ST3GAL3: variants seen among roughly 807,000 people sequenced by gnomAD.
The protein encoded by ST3GAL3 is CMP-N-acetylneuraminate-beta-1,4-galactoside alpha-2,3-sialyltransferase.
In ST3GAL3, 21 loss-of-function variants were observed where a neutral mutation model predicts 50.1. The observed-to-expected ratio is 0.42, with a 90% CI of 0.30 to 0.60. The LOEUF (loss-of-function observed/expected upper bound fraction) is 0.60, where lower values mean the gene tolerates loss of function less well. ST3GAL3 is among the 20% of genes least tolerant of loss of function. The probability of loss-of-function intolerance (pLI) is 0.19; values close to 1 mark genes in which losing one functional copy is unlikely to be tolerated. For synonymous variants in ST3GAL3, 183 were observed against 190.0 expected, an observed-to-expected ratio of 0.96 and a Z score of 0.30; for missense variants, 353 against 489.4, an observed-to-expected ratio of 0.72 and a Z score of 2.63.
intron 11 of ST3GAL3, chr1:43,929,920 T>G: frequency 1.4e-6 from 1 of 706,630 alleles, no homozygotes; most frequent in Non-Finnish European, 2.6e-6. Flanking sequence ...AGGTTCTTTT[T>G]TCCCTGTCTT....
At chr1:43,743,084 G>T (rs1459315831) in intron 2 of ST3GAL3, among the ~76,000 whole-genome samples, 2 of 24,912 alleles carry the variant, frequency 8.0e-5, no homozygotes, top group Non-Finnish European at 1.7e-4. Flanking sequence ...GCGAGACTCC[G>T]TCTCAAAAAA....
chr1:43,712,522 C>G (rs1032085381), intron 1 of ST3GAL3, among the ~76,000 whole-genome samples: 11 of 152,146 alleles, frequency 7.2e-5, no homozygotes, highest in African/African-American at 2.7e-4. Context: ...CCTCAAAGAA[C>G]CTCCAGTCTA....
intron 9 of ST3GAL3, 184 bp from the exon 10 acceptor site, chr1:43,920,220 C>T: frequency 1.5e-6 from 1 of 685,208 alleles, no homozygotes; most frequent in Non-Finnish European, 2.6e-6. Flanking sequence ...CCATCATTCC[C>T]CTTGTCCCTG....
At chr1:43,844,099 G>A (rs2065853176) in intron 5 of ST3GAL3, among the ~76,000 whole-genome samples, 1 of 152,232 alleles carries the variant, frequency 6.6e-6, no homozygotes, top group Non-Finnish European at 1.5e-5. Context: ...TGAACAGCCA[G>A]TTGGAAGAGA....
At chr1:43,792,824 G>T (rs753769866) in intron 3 of ST3GAL3, among the ~76,000 whole-genome samples, 2 of 152,226 alleles carry the variant, frequency 1.3e-5, no homozygotes, top group Non-Finnish European at 2.9e-5. Flanking sequence ...TTGACAGGAA[G>T]TGGGAAGAGA....
intron 2 of ST3GAL3, among the ~76,000 whole-genome samples, chr1:43,775,671 A>G (rs1696944715): frequency 6.6e-6 from 1 of 152,154 alleles, no homozygotes; most frequent in African/African-American, 2.4e-5. Context: ...ACACAAAAAT[A>G]TAGTTATGCA....
At chr1:43,891,316 T>C (rs888386349) in intron 5 of ST3GAL3, among the ~76,000 whole-genome samples, 2 of 152,234 alleles carry the variant, frequency 1.3e-5, no homozygotes, top group Non-Finnish European at 1.5e-5. Flanking sequence ...ACGCCTGTAA[T>C]CCCAGCACTT....
chr1:43,804,038 T>G (rs2154166281), intron 3 of ST3GAL3, among the ~76,000 whole-genome samples: 1 of 152,328 alleles, frequency 6.6e-6, no homozygotes, highest in East Asian at 1.9e-4. Flanking sequence ...AGCTGGAATA[T>G]GAGTGCATAT....
chr1:43,888,705 A>G (rs1184695917), intron 5 of ST3GAL3, among the ~76,000 whole-genome samples: 1 of 152,250 alleles, frequency 6.6e-6, no homozygotes, highest in Non-Finnish European at 1.5e-5. Flanking sequence ...ATGCAAATTA[A>G]GATGACAGTG....
At chr1:43,773,635 A>G (rs185803407) in intron 2 of ST3GAL3, among the ~76,000 whole-genome samples, 6 of 152,354 alleles carry the variant, frequency 3.9e-5, no homozygotes, top group Non-Finnish European at 8.8e-5. Context: ...AGTAAGGTGC[A>G]GAGTTTTTGA....
intron 9 of ST3GAL3, chr1:43,916,897 T>C (rs575682801): frequency 6.6e-6 from 1 of 152,322 alleles, no homozygotes; most frequent in East Asian, 1.9e-4. Context: ...TTAGAAGATA[T>C]CATTTTGATA....
At chr1:43,923,809 T>G (rs1208160681) in intron 11 of ST3GAL3, among the ~76,000 whole-genome samples, 1 of 152,022 alleles carries the variant, frequency 6.6e-6, no homozygotes, top group Non-Finnish European at 1.5e-5. Context: ...GGGATGAGAT[T>G]TTGCTATGTT....
At chr1:43,743,445 G>A in intron 2 of ST3GAL3, 1 of 357,762 alleles carries the variant, frequency 2.8e-6, no homozygotes, top group Non-Finnish European at 5.5e-6. Context: ...CCCATGAAAT[G>A]CCAAGAGAGG....
intron 1 of ST3GAL3, among the ~76,000 whole-genome samples, chr1:43,715,443 G>C (rs1343858649): frequency 1.3e-5 from 2 of 152,016 alleles, no homozygotes; most frequent in African/African-American, 2.4e-5. Context: ...AGGTGTGGTA[G>C]CACATGCCTC....
In ST3GAL3 at chr1:43,867,760, G is replaced by A. The variant is rs74073320; in HGVS notation, c.303-26623G>A. On this transcript the variant is annotated intron_variant, in intron 5 of 11. Coordinates refer to ENST00000347631, the MANE Select transcript of ST3GAL3 (RefSeq NM_006279.5). Reference sequence around the variant, plus strand: ...GTCTGGCCCAGTTGACATATTTACCGTACCTTCTTGGCTCTTGTAGGCATT... The same window carrying A: ...GTCTGGCCCAGTTGACATATTTACCATACCTTCTTGGCTCTTGTAGGCATT... Among the ~76,000 whole-genome samples the A allele has an allele frequency of 9.2e-3, 1,396 of 152,260 alleles. 19 individuals carry two copies. Among genetic ancestry groups the A allele is most frequent in the African/African-American group, 0.032 (1,341 of 41,546 alleles).
chr1:43,783,066 T>TAAG (rs10676836), intron 2 of ST3GAL3, among the ~76,000 whole-genome samples: 94,563 of 151,494 alleles, frequency 0.62, 29,765 homozygotes, highest in East Asian at 0.73. Flanking sequence ...GGGGCTCAGA[T>TAAG]AAATTTTGAA....
At chr1:43,777,011 G>C (rs559937209) in intron 2 of ST3GAL3, among the ~76,000 whole-genome samples, 2 of 152,250 alleles carry the variant, frequency 1.3e-5, no homozygotes, top group South Asian at 4.1e-4. Context: ...AAGGAGGAAT[G>C]TCATATGGCT....
intron 11 of ST3GAL3, among the ~76,000 whole-genome samples, chr1:43,926,291 A>C (rs1355811209): frequency 6.6e-6 from 1 of 152,190 alleles, no homozygotes; most frequent in Non-Finnish European, 1.5e-5. Flanking sequence ...CGAGGAGCCA[A>C]AGAAAAAGAG....
Position 43,899,542 on chromosome 1 carries a change from C to T in ST3GAL3, c.559C>T (p.Leu187=). ...RIDDYDIVVR[L]NSAPVKGFEK... ...TCTGAGTGGGCCTGCTCTCTGTAGACTGAATTCAGCACCAGTGAAAGGCTT... is the reference window on the plus strand; with the variant it reads ...TCTGAGTGGGCCTGCTCTCTGTAGATTGAATTCAGCACCAGTGAAAGGCTT... The change falls in exon 9 of 12, where the codon CTG becomes TTG. Residue 187 remains leucine, a splice_region_variant and synonymous_variant. Coordinates refer to ENST00000347631, the MANE Select transcript of ST3GAL3 (RefSeq NM_006279.5). This position sits in a 1 kb window ranked among gnomAD's most constrained non-coding sequence, Gnocchi z 5.4. The T allele has an allele frequency of 1.2e-6, 2 of 1,612,648 alleles. No homozygotes were observed. Among genetic ancestry groups the T allele is most frequent in the South Asian group, 2.2e-5 (2 of 91,074 alleles).
Sources: gnomAD v4.1 joint callset for allele counts (sites outside exome capture counted in the v4.1 genomes callset) on GRCh38, gnomAD v4.1.1 for gene constraint, Gnocchi (gnomAD v3.1) non-coding constraint, MANE v1.5 for transcripts, NCBI Gene and HGNC (gene_info 2026-07-23, HGNC 2026-07-21) for gene names.